Variants in CDK14 observed in about 807,000 individuals in gnomAD.
CDK14 encodes cyclin dependent kinase 14.
In CDK14, 34 loss-of-function variants were observed where a neutral mutation model predicts 60.7. The ratio of observed to expected loss-of-function variants is 0.56; its 90% CI spans 0.43 to 0.75. The LOEUF (loss-of-function observed/expected upper bound fraction) is 0.75. Among genes scored for constraint, CDK14 ranks in the 30% least tolerant of loss-of-function variants. The probability of loss-of-function intolerance (pLI) is 0.00; values close to 1 mark genes in which losing one functional copy is unlikely to be tolerated. For missense variants in CDK14, 482 were observed against 564.1 expected, an observed-to-expected ratio of 0.85 and a Z score of 1.47; for synonymous variants, 197 against 203.7, an observed-to-expected ratio of 0.97 and a Z score of 0.28.
At chr7:90,949,678 C>T (rs1794198754) in intron 8 of CDK14, among the ~76,000 whole-genome samples, 1 of 152,140 alleles carries the variant, frequency 6.6e-6, no homozygotes, top group Admixed American at 6.6e-5. Context: ...TACCCTTATT[C>T]AGTAGAAAGA....
chr7:91,136,057 G>A (rs1356975986), intron 14 of CDK14, among the ~76,000 whole-genome samples: 1 of 152,044 alleles, frequency 6.6e-6, no homozygotes, highest in Non-Finnish European at 1.5e-5. Context: ...TTATTGGCAT[G>A]GATCATTTTT....
chr7:90,895,499 TCCTCTCCTCCCTTCCCCTCCCTTCC>T (rs1440092007), intron 6 of CDK14, among the ~76,000 whole-genome samples: 1 of 23,480 alleles, frequency 4.3e-5, no homozygotes, highest in African/African-American at 1.5e-4. Flanking sequence ...TCCTCTCCTC[TCCTCTCCTCCCTTCCCCTCCCTTCC>T]CCTCCCTTCC....
chr7:91,016,483 G>A (rs1335164076), intron 10 of CDK14, among the ~76,000 whole-genome samples: 1 of 152,072 alleles, frequency 6.6e-6, no homozygotes, highest in Non-Finnish European at 1.5e-5. Flanking sequence ...CCTGTTTTAT[G>A]GTACCATATG....
intron 2 of CDK14, among the ~76,000 whole-genome samples, chr7:90,696,380 G>A (rs1801660598): frequency 7.8e-6 from 1 of 128,476 alleles, no homozygotes; most frequent in Non-Finnish European, 1.6e-5. Context: ...TGGCTCTGTT[G>A]CCCAGGCTGG....
chr7:91,148,805 A>G (rs928529918), intron 14 of CDK14, among the ~76,000 whole-genome samples: 1 of 152,094 alleles, frequency 6.6e-6, no homozygotes. Flanking sequence ...ACAAGCCAAC[A>G]AATGTTTGTT....
At chr7:90,842,140 C>T (rs772956069) in intron 5 of CDK14, among the ~76,000 whole-genome samples, 7 of 152,166 alleles carry the variant, frequency 4.6e-5, no homozygotes, top group South Asian at 2.1e-4. Flanking sequence ...ATACTCAAAA[C>T]GATGACACAG....
In CDK14 at chr7:90,668,696, A is replaced by ATTATTTTTTTTTTTTTTTTTTTT. The variant is rs1554431005; in HGVS notation, c.124-57869_124-57868insATTTTTTTTTTTTTTTTTTTTTT. On this transcript the variant is annotated intron_variant, in intron 2 of 14. Coordinates refer to ENST00000380050, the MANE Select transcript of CDK14 (RefSeq NM_001287135.2). ...TTATATGGTGTAAGGAAGGACTCGC[A>ATTATTTTTTTTTTTTTTTTTTTT]TTCTTTTTTTTTTTTTTTTTTTTTT... is the stretch of plus-strand genomic sequence containing the variant. 4.5e-4 allele frequency among the ~76,000 whole-genome samples: 31 copies of ATTATTTTTTTTTTTTTTTTTTTT among 68,432 alleles called. 1 individual carries two copies. Among genetic ancestry groups the ATTATTTTTTTTTTTTTTTTTTTT allele is most frequent in the Admixed American group, 1.7e-3 (8 of 4,700 alleles). The allele number at this position is 68,432 out of a possible 152,430, so 44.9% of individuals were successfully genotyped here. A position where few individuals can be genotyped will look rare whatever the true frequency, so the allele number is the denominator to read the frequency against.
intron 14 of CDK14, among the ~76,000 whole-genome samples, chr7:91,154,179 T>TA (rs112930504): frequency 2.0e-4 from 31 of 151,642 alleles, no homozygotes; most frequent in African/African-American, 3.1e-4. Flanking sequence ...TTTTTTTTTT[T>TA]AAACAGAATT....
chr7:90,920,744 C>T (rs576371730), intron 8 of CDK14, among the ~76,000 whole-genome samples: 9 of 152,190 alleles, frequency 5.9e-5, no homozygotes, highest in Non-Finnish European at 1.3e-4. Context: ...AAATAGATTA[C>T]ACTGGTACAA....
chr7:90,799,032 C>T (rs1788536170), intron 5 of CDK14, among the ~76,000 whole-genome samples: 1 of 152,174 alleles, frequency 6.6e-6, no homozygotes, highest in African/African-American at 2.4e-5. Flanking sequence ...TGTTCTTACT[C>T]TCTGATATTG....
chr7:91,136,193 T>C (rs1370450195), intron 14 of CDK14, among the ~76,000 whole-genome samples: 2 of 152,218 alleles, frequency 1.3e-5, no homozygotes, highest in East Asian at 3.8e-4. Context: ...AATGTGAGTT[T>C]CTGACTTTGA....
chr7:90,997,788 A>C (rs1414455981), intron 10 of CDK14, among the ~76,000 whole-genome samples: 1 of 152,190 alleles, frequency 6.6e-6, no homozygotes, highest in African/African-American at 2.4e-5. Context: ...TGATATATGC[A>C]CATTTAATTT....
At chr7:91,195,272 C>T (rs902374416) in intron 14 of CDK14, among the ~76,000 whole-genome samples, 13 of 152,148 alleles carry the variant, frequency 8.5e-5, no homozygotes, top group Admixed American at 4.6e-4. Flanking sequence ...GATAGTATTT[C>T]GGAACTCCCA....
intron 2 of CDK14, among the ~76,000 whole-genome samples, chr7:90,701,163 T>C (rs1283526107): frequency 1.3e-5 from 2 of 152,168 alleles, no homozygotes; most frequent in Non-Finnish European, 2.9e-5. Flanking sequence ...ACAAACCACT[T>C]TCAGTTTCAC....
rs763175488 is a variant in CDK14, at chr7:90,726,591, C to T, written c.148C>T (p.Arg50Trp). ...DEICVTKMST[R>W]NCQGMDSVIK... ...GATATGTGTCACAAAGATGTCTACA[C>T]GGAACTGCCAGGGAATGGACTCAGT... is the stretch of plus-strand genomic sequence containing the variant. The change falls in exon 3 of 15, where the codon CGG becomes TGG. Residue 50 changes from arginine (R) to tryptophan (W), a missense_variant. By Grantham distance (101) the Arg-to-Trp change is moderately radical. Transcript: ENST00000380050. 11 of 1,613,236 alleles carry T rather than the reference C, an allele frequency of 6.8e-6. No individual in the cohort carries two copies. The highest frequency in any genetic ancestry group is 3.3e-5 in the Admixed American group (2 of 59,898).
At chr7:91,045,661 A>G (rs1394675959) in intron 10 of CDK14, among the ~76,000 whole-genome samples, 3 of 152,182 alleles carry the variant, frequency 2.0e-5, no homozygotes, top group Non-Finnish European at 4.4e-5. Context: ...TTGATAAAAT[A>G]TAGCAGATTT....
intron 10 of CDK14, among the ~76,000 whole-genome samples, chr7:91,034,871 A>G (rs1293140762): frequency 6.6e-6 from 1 of 151,656 alleles, no homozygotes; most frequent in Non-Finnish European, 1.5e-5. Context: ...GGCCTAGGGA[A>G]TGATGGAAGA....
At chr7:90,726,935 G>T in intron 3 of CDK14, 123 bp downstream of exon 3, 1 of 1,183,634 alleles carries the variant, frequency 8.4e-7, no homozygotes, top group South Asian at 1.5e-5. Flanking sequence ...CTCTCCCAGG[G>T]TGGTTGAATG....
chr7:90,812,941 A>G (rs1051819791), intron 5 of CDK14, among the ~76,000 whole-genome samples: 3 of 152,208 alleles, frequency 2.0e-5, no homozygotes, highest in African/African-American at 7.2e-5. Flanking sequence ...AGATGAAAAC[A>G]TACTTCCACA....
Sources: allele counts gnomAD v4.1 joint callset (sites outside exome capture counted in the v4.1 genomes callset), GRCh38; gene constraint gnomAD v4.1.1; transcripts MANE v1.5; gene names NCBI Gene and HGNC (gene_info 2026-07-23, HGNC 2026-07-21).